The following EPS15L1 variants were observed in gnomAD, a reference collection of about 807,000 sequenced individuals.
EPS15L1 encodes epidermal growth factor receptor substrate 15-like 1.
Under a neutral mutation model 117.1 loss-of-function variants are expected in EPS15L1, and 43 were observed. That is an observed-to-expected ratio of 0.37 (90% CI 0.29 to 0.47). The LOEUF is 0.47. EPS15L1 is among the 20% of genes least tolerant of loss of function. EPS15L1 has a pLI of 0.99. For missense variants in EPS15L1, 981 were observed against 1,164.0 expected (o/e 0.84, Z 2.29); for synonymous variants, 459 against 470.5 (o/e 0.98, Z 0.32).
rs1289026676 is a variant in EPS15L1, at chr19:16,383,452, TG to T, written c.2247+1676del. ...CGCCTGAGGGACTGCTGCCACCGTG[TG>T]GCCAACGTTTTCTGCTTTCGGGAGA... On this transcript the variant is annotated intron_variant, in intron 21 of 23. Coordinates refer to ENST00000455140, the MANE Select transcript of EPS15L1 (RefSeq NM_001258374.3). The surrounding 1 kb of genome is among the most constrained non-coding windows in gnomAD (Gnocchi z 5.2). 1.3e-5 allele frequency: 2 copies of T among 152,230 alleles called. No homozygotes were observed. The highest frequency in any genetic ancestry group is 4.8e-5 in the African/African-American group (2 of 41,460). 9.4% of individuals were successfully genotyped at this position (152,230 alleles called of 1,614,324 possible).
At chr19:16,451,283 T>C (rs1340596477) in intron 1 of EPS15L1, among the ~76,000 whole-genome samples, 1 of 152,124 alleles carries the variant, frequency 6.6e-6, no homozygotes, top group Non-Finnish European at 1.5e-5. Context: ...GAGTCTACCA[T>C]CATCTCAAAA....
At chr19:16,396,343 C>T (rs1015303113) in intron 16 of EPS15L1, among the ~76,000 whole-genome samples, 1 of 152,188 alleles carries the variant, frequency 6.6e-6, no homozygotes. Flanking sequence ...GTTACTCCAG[C>T]CTTGACCATC....
chr19:16,414,896 G>A lies in EPS15L1; in HGVS notation c.1194-1051C>T, dbSNP rs367892495. On this transcript the variant is annotated intron_variant, in intron 12 of 23. Coordinates refer to ENST00000455140, the MANE Select transcript of EPS15L1 (RefSeq NM_001258374.3). ...GGCTAATTTTTTATTTTTTGTAGCC[G>A]AGGTCTCAATATATGGCCCAGGCTG... 7.2e-5 allele frequency among the ~76,000 whole-genome samples: 11 copies of A among 151,796 alleles called. No homozygotes were observed. The East Asian group carries it at 1.6e-3, about 21-fold the overall frequency.
chr19:16,463,495 C>T (rs1325071042), intron 1 of EPS15L1, among the ~76,000 whole-genome samples: 3 of 152,204 alleles, frequency 2.0e-5, no homozygotes, highest in Non-Finnish European at 4.4e-5. Flanking sequence ...GCTCCAAGCA[C>T]TCCCTGTGTA....
intron 22 of EPS15L1, among the ~76,000 whole-genome samples, chr19:16,367,984 AGT>A (rs996285583): frequency 9.7e-4 from 146 of 150,428 alleles, no homozygotes; most frequent in Middle Eastern, 3.4e-3. Flanking sequence ...AGAGAGAGAG[AGT>A]GTGTGTGTGT....
chr19:16,471,635 G>A lies in EPS15L1; in HGVS notation c.33+278C>T, dbSNP rs866295417. ...GCGCCTCCGCGGGTCCCCGGCCTGG[G>A]AGCTTCAGCGGCGGCAGGGTCCGGG... On this transcript the variant is annotated intron_variant, in intron 1 of 23. Transcript: ENST00000455140. The surrounding 1 kb of genome is among the most constrained non-coding windows in gnomAD (Gnocchi z 4.8). Among the ~76,000 whole-genome samples the A allele has an allele frequency of 2.6e-5, 4 of 152,098 alleles. No individual in the cohort carries two copies. The highest frequency in any genetic ancestry group is 7.2e-5 in the African/African-American group (3 of 41,426).
chr19:16,414,461 C>T (rs1046851457), intron 12 of EPS15L1, among the ~76,000 whole-genome samples: 5 of 151,826 alleles, frequency 3.3e-5, no homozygotes, highest in Admixed American at 2.0e-4. Flanking sequence ...AGTGCAGTGG[C>T]GCAATCTCAG....
intron 1 of EPS15L1, among the ~76,000 whole-genome samples, chr19:16,461,910 G>A (rs1451402688): frequency 2.0e-5 from 3 of 152,132 alleles, no homozygotes; most frequent in Admixed American, 6.5e-5. Flanking sequence ...GACAGACTGC[G>A]CTCCTGGCTG....
intron 20 of EPS15L1, among the ~76,000 whole-genome samples, chr19:16,385,925 T>C (rs1283573707): frequency 6.6e-6 from 1 of 152,236 alleles, no homozygotes; most frequent in Non-Finnish European, 1.5e-5. Context: ...TTAATATCAC[T>C]GGTGCTATTA....
chr19:16,369,033 T>C (rs1376927517), intron 22 of EPS15L1, among the ~76,000 whole-genome samples: 7 of 152,174 alleles, frequency 4.6e-5, no homozygotes, highest in Non-Finnish European at 1.5e-5. Context: ...GAAAACAGTA[T>C]AGGTTCTAAA....
chr19:16,440,880 T>G lies in EPS15L1; in HGVS notation c.195A>C (p.Lys65Asn). The G allele has an allele frequency of 6.2e-7, 1 of 1,614,114 alleles. No individual in the cohort carries two copies. The highest frequency in any genetic ancestry group is 8.5e-7 in the Non-Finnish European group (1 of 1,179,976). Reference protein sequence around the residue: ...KIWDLADPEGKGFLDKQGFYV... With the variant: ...KIWDLADPEGNGFLDKQGFYV... Reference sequence around the variant, plus strand: ...TATATACCTGTTTGTCCAAGAACCCTTTACCTTCTGGATCGGCCAAGTCCC... The same window carrying G: ...TATATACCTGTTTGTCCAAGAACCCGTTACCTTCTGGATCGGCCAAGTCCC... The change falls in exon 4 of 24, where the codon AAA becomes AAC. Residue 65 changes from lysine to asparagine, a missense_variant. Lys to Asn is a moderately conservative substitution (Grantham distance 94). Coordinates refer to ENST00000455140, the MANE Select transcript of EPS15L1 (RefSeq NM_001258374.3).
At chr19:16,463,647 G>T (rs896670414) in intron 1 of EPS15L1, among the ~76,000 whole-genome samples, 1 of 152,182 alleles carries the variant, frequency 6.6e-6, no homozygotes, top group African/African-American at 2.4e-5. Flanking sequence ...GGCAAACAAG[G>T]ATGAATAAAA....
intron 23 of EPS15L1, 116 bp from the exon 24 acceptor site, chr19:16,355,967 G>T: frequency 1.6e-6 from 2 of 1,276,656 alleles, no homozygotes; most frequent in Non-Finnish European, 2.1e-6. Flanking sequence ...CCAGCGGAGG[G>T]TCCGATGTGC....
chr19:16,386,111 G>T (rs937920102), intron 20 of EPS15L1, 60 bp downstream of exon 20: 3 of 1,300,536 alleles, frequency 2.3e-6, no homozygotes, highest in East Asian at 2.4e-5. Flanking sequence ...TGTTAACTGC[G>T]GGGGAGCTCT....
chr19:16,456,129 G>C (rs898359809), intron 1 of EPS15L1, among the ~76,000 whole-genome samples: 25 of 152,174 alleles, frequency 1.6e-4, no homozygotes, highest in African/African-American at 5.3e-4. Context: ...GAACCCAGGA[G>C]GCAGAGGTTG....
At position 16,370,489 on chromosome 19, in the gene EPS15L1, C is replaced by G. The variant is rs959560614; in HGVS notation, c.2380+6633G>C. 1.3e-5 allele frequency among the ~76,000 whole-genome samples: 2 copies of G among 152,052 alleles called. No homozygotes were observed. Among genetic ancestry groups the G allele is most frequent in the Admixed American group, 6.5e-5 (1 of 15,284 alleles). ...GTCTGTTCACACCTATACTCAGATGCTGGGGTGGGAGCCCAGCCACTCTAG... is the reference window on the plus strand; with the variant it reads ...GTCTGTTCACACCTATACTCAGATGGTGGGGTGGGAGCCCAGCCACTCTAG... On this transcript the variant is annotated intron_variant, in intron 22 of 23. Transcript: ENST00000455140. The surrounding 1 kb of genome is among the most constrained non-coding windows in gnomAD (Gnocchi z 5.2).
chr19:16,364,315 C>A (rs937020932), intron 22 of EPS15L1, among the ~76,000 whole-genome samples: 1 of 152,224 alleles, frequency 6.6e-6, no homozygotes, highest in Non-Finnish European at 1.5e-5. Flanking sequence ...GGGGCAGTGC[C>A]CAGCCCACGC....
chr19:16,393,846 T>C (rs2092510593), intron 18 of EPS15L1, 105 bp downstream of exon 18: 4 of 1,152,710 alleles, frequency 3.5e-6, no homozygotes, highest in South Asian at 1.2e-5. Context: ...CCCAGTTACA[T>C]GGCTGCCATC....
At chr19:16,464,568 C>A (rs760604098) in intron 1 of EPS15L1, among the ~76,000 whole-genome samples, 1 of 152,224 alleles carries the variant, frequency 6.6e-6, no homozygotes, top group Non-Finnish European at 1.5e-5. Context: ...AAAGTCCCAG[C>A]CGCATGTTTT....
Sources: allele counts gnomAD v4.1 joint callset (sites outside exome capture counted in the v4.1 genomes callset), GRCh38; gene constraint gnomAD v4.1.1; non-coding constraint Gnocchi (gnomAD v3.1); transcripts MANE v1.5; gene names NCBI Gene and HGNC (gene_info 2026-07-23, HGNC 2026-07-21).